The following ALK variants were observed in gnomAD, a reference collection of about 807,000 sequenced individuals.
ALK encodes the protein ALK receptor tyrosine kinase.
Under a neutral mutation model 163.1 loss-of-function variants are expected in ALK, and 74 were observed. That is an observed-to-expected ratio of 0.45 (90% CI 0.38 to 0.55). The LOEUF (loss-of-function observed/expected upper bound fraction) is 0.55, where lower values mean the gene tolerates loss of function less well. Ranked by LOEUF, ALK falls within the 20% of genes least tolerant of loss-of-function variation. The probability of loss-of-function intolerance (pLI) is 0.00; values close to 1 mark genes in which losing one functional copy is unlikely to be tolerated. For synonymous variants in ALK, 960 were observed against 843.2 expected, an observed-to-expected ratio of 1.14 and a Z score of -2.40; for missense variants, 2,063 against 2,105.3, an observed-to-expected ratio of 0.98 and a Z score of 0.39.
chr2:29,237,387 C>A (rs1379642009), intron 13 of ALK, among the ~76,000 whole-genome samples: 4 of 152,164 alleles, frequency 2.6e-5, no homozygotes, highest in African/African-American at 7.2e-5. Flanking sequence ...CTCCAACATG[C>A]CTTAAAGTGG....
Position 29,733,753 on chromosome 2 carries a change from G to C in ALK, c.668-16056C>G, listed in dbSNP as rs571552943. ...GGGAAGAGTCATGTGATCCCTATGA[G>C]GGAAACATACACTTTGTAGACAGGA... On this transcript the variant is annotated intron_variant, in intron 1 of 28. Coordinates refer to ENST00000389048, the MANE Select transcript of ALK (RefSeq NM_004304.5). Among the ~76,000 whole-genome samples, 20 of 152,274 alleles carry C rather than the reference G, an allele frequency of 1.3e-4. No individual in the cohort carries two copies. In the South Asian group the frequency reaches 3.9e-3, roughly 30 times the overall value.
chr2:29,430,996 C>CTT (rs1232933187), intron 4 of ALK, among the ~76,000 whole-genome samples: 6 of 137,134 alleles, frequency 4.4e-5, no homozygotes, highest in Admixed American at 7.3e-5. Context: ...CAAGGCGAGG[C>CTT]TTTTTTTTTT....
At chr2:29,593,817 C>T (rs1269923357) in intron 3 of ALK, among the ~76,000 whole-genome samples, 2 of 152,218 alleles carry the variant, frequency 1.3e-5, no homozygotes, top group Admixed American at 6.5e-5. Flanking sequence ...ACAAGCTTCT[C>T]TATAGTCAAT....
intron 12 of ALK, among the ~76,000 whole-genome samples, chr2:29,245,518 G>A (rs1475138840): frequency 7.0e-6 from 1 of 143,590 alleles, no homozygotes; most frequent in Non-Finnish European, 1.5e-5. Context: ...CCTGCACATA[G>A]TAGGGGCTCC....
chr2:29,233,265 C>T (rs1664268646), intron 14 of ALK, among the ~76,000 whole-genome samples: 1 of 152,152 alleles, frequency 6.6e-6, no homozygotes, highest in African/African-American at 2.4e-5. Flanking sequence ...GCCTCAGCCT[C>T]CCAAGTAGCT....
intron 4 of ALK, among the ~76,000 whole-genome samples, chr2:29,437,194 T>C (rs1278386135): frequency 2.0e-5 from 3 of 152,150 alleles, no homozygotes; most frequent in Admixed American, 1.3e-4. Flanking sequence ...TTTCCCCCTT[T>C]ATGTTTCTCC....
At chr2:29,423,599 A>G (rs866764832) in intron 4 of ALK, among the ~76,000 whole-genome samples, 49 of 152,376 alleles carry the variant, frequency 3.2e-4, no homozygotes, top group African/African-American at 1.1e-3. Context: ...TCGGAGCAAT[A>G]AAACTGCCAT....
chr2:29,237,559 G>A (rs976021353), intron 13 of ALK, among the ~76,000 whole-genome samples: 6 of 152,086 alleles, frequency 3.9e-5, no homozygotes, highest in African/African-American at 7.2e-5. Flanking sequence ...CTCCTCAGAT[G>A]TAAGTTCCTT....
At chr2:29,266,385 C>T (rs1428783261) in intron 11 of ALK, among the ~76,000 whole-genome samples, 1 of 152,128 alleles carries the variant, frequency 6.6e-6, no homozygotes, top group African/African-American at 2.4e-5. Context: ...CAAAAGTGTG[C>T]ACAACTCATA....
intron 1 of ALK, among the ~76,000 whole-genome samples, chr2:29,753,086 T>C (rs894384352): frequency 1.1e-4 from 16 of 152,190 alleles, no homozygotes; most frequent in African/African-American, 3.6e-4. Context: ...CACACAGTTC[T>C]GCCCGTGGCA....
At chr2:29,421,945 T>C (rs1372806127) in intron 4 of ALK, among the ~76,000 whole-genome samples, 1 of 151,710 alleles carries the variant, frequency 6.6e-6, no homozygotes, top group Non-Finnish European at 1.5e-5. Flanking sequence ...CAATTCATTT[T>C]ACAGCTAACC....
intron 13 of ALK, among the ~76,000 whole-genome samples, chr2:29,239,185 A>AT (rs1166503373): frequency 6.6e-6 from 1 of 152,144 alleles, no homozygotes; most frequent in East Asian, 1.9e-4. Flanking sequence ...TTTACTTTTC[A>AT]TGCTTCCTCA....
intron 5 of ALK, among the ~76,000 whole-genome samples, chr2:29,358,267 T>C (rs1364039591): frequency 6.6e-6 from 1 of 152,256 alleles, no homozygotes; most frequent in Non-Finnish European, 1.5e-5. Flanking sequence ...CCTCTTAAGA[T>C]ATTTTACCTT....
intron 3 of ALK, among the ~76,000 whole-genome samples, chr2:29,550,866 A>AT (rs1186961414): frequency 1.3e-5 from 2 of 152,074 alleles, no homozygotes; most frequent in African/African-American, 2.4e-5. Flanking sequence ...AATTTAAAAT[A>AT]TTTTTTTCTC....
intron 3 of ALK, among the ~76,000 whole-genome samples, chr2:29,542,932 T>C (rs1458161904): frequency 6.6e-6 from 1 of 152,218 alleles, no homozygotes; most frequent in African/African-American, 2.4e-5. Context: ...TCTTGAATCT[T>C]TCTTAAGAGA....
intron 1 of ALK, among the ~76,000 whole-genome samples, chr2:29,763,761 T>A (rs149193709): frequency 0.01 from 1,566 of 152,202 alleles, 18 homozygotes; most frequent in Non-Finnish European, 0.016. Flanking sequence ...GCCCCTGAGA[T>A]TCCTGAAACC....
chr2:29,625,348 C>G (rs956060101), intron 3 of ALK, among the ~76,000 whole-genome samples: 2 of 152,212 alleles, frequency 1.3e-5, no homozygotes, highest in African/African-American at 4.8e-5. Context: ...GGAGTGCACA[C>G]ATGCATAGTA....
Position 29,239,731 on chromosome 2 carries a change from A to G in ALK, c.2304T>C (p.Asp768=), listed in dbSNP as rs758649392. ...GCCCAACCAGGATGTACAGCATGTC[A>G]TCCTTCTCCAGGTTGAAGATGCCCA... ...SVLGIFNLEK[D]DMLYILVGQQ... is the part of the protein sequence containing the mutation. The change falls in exon 13 of 29, where the codon GAT becomes GAC. Residue 768 remains aspartate, a synonymous_variant. Coordinates refer to ENST00000389048, the MANE Select transcript of ALK (RefSeq NM_004304.5). The G allele has an allele frequency of 3.1e-6, 5 of 1,613,940 alleles. No individual in the cohort carries two copies. The Admixed American group carries it at 6.7e-5, about 22-fold the overall frequency.
At chr2:29,258,580 C>T (rs1665008025) in intron 11 of ALK, among the ~76,000 whole-genome samples, 1 of 152,186 alleles carries the variant, frequency 6.6e-6, no homozygotes, top group South Asian at 2.1e-4. Context: ...TCTCTATCAT[C>T]CTCTGAAGCT....
Sources: allele counts gnomAD v4.1 joint callset (sites outside exome capture counted in the v4.1 genomes callset), GRCh38; gene constraint gnomAD v4.1.1; transcripts MANE v1.5; gene names NCBI Gene and HGNC (gene_info 2026-07-23, HGNC 2026-07-21).